PPIL6: variants seen among roughly 807,000 people sequenced by gnomAD.
PPIL6 encodes the protein probable inactive peptidyl-prolyl cis-trans isomerase-like 6.
PPIL6 carries 39 observed loss-of-function variants against 36.8 expected under a neutral mutation model. The observed-to-expected ratio is 1.06, with a 90% CI of 0.82 to 1.38. PPIL6 has a LOEUF of 1.38. Ranked by LOEUF, PPIL6 falls within the 40% of genes most tolerant of loss-of-function variation. PPIL6 has a pLI of 0.00. For synonymous variants in PPIL6, 123 were observed against 134.1 expected (o/e 0.92, Z 0.57); for missense variants, 368 against 379.1 (o/e 0.97, Z 0.24).
At chr6:109,441,169 C>T, upstream of PPIL6, 1 of 1,614,152 alleles carries the variant, frequency 6.2e-7, no homozygotes, top group African/African-American at 1.3e-5. Flanking sequence ...ACCTCAACTG[C>T]TGGTGAGTGC....
At chr6:109,397,608 G>C (rs924285392) in intron 7 of PPIL6, among the ~76,000 whole-genome samples, 2 of 152,320 alleles carry the variant, frequency 1.3e-5, no homozygotes, top group Admixed American at 6.5e-5. Context: ...GCTTGAATGA[G>C]TTGGGAAAAC....
At chr6:109,410,839 A>T (rs776368080) in intron 6 of PPIL6, among the ~76,000 whole-genome samples, 4 of 152,176 alleles carry the variant, frequency 2.6e-5, no homozygotes, top group African/African-American at 7.2e-5. Flanking sequence ...ACAACTGCCT[A>T]GTCTGGGAAG....
chr6:109,413,763 A>C lies in PPIL6; in HGVS notation c.688+5424T>G, dbSNP rs1010834862. On this transcript the variant is annotated intron_variant, in intron 6 of 7. Coordinates refer to ENST00000521072, the MANE Select transcript of PPIL6 (RefSeq NM_173672.5). The surrounding 1 kb of genome is among the most constrained non-coding windows in gnomAD (Gnocchi z 4.6). ...AAAGAAAATGTGGTACATATACACA[A>C]TGGAATACTATTCAGCCATAAAAAA... is the stretch of plus-strand genomic sequence containing the variant. 6.6e-6 allele frequency among the ~76,000 whole-genome samples: 1 copy of C among 152,254 alleles called. No homozygotes were observed. Among genetic ancestry groups the C allele is most frequent in the Non-Finnish European group, 1.5e-5 (1 of 68,038 alleles).
At position 109,390,485 on chromosome 6, in the gene PPIL6, A is replaced by G. The variant is rs929309853; in HGVS notation, c.*2341T>C. The G allele has an allele frequency of 2.6e-5, 4 of 152,212 alleles. No individual in the cohort carries two copies. The highest frequency in any genetic ancestry group is 5.9e-5 in the Non-Finnish European group (4 of 68,074). 9.4% of individuals were successfully genotyped at this position (152,212 alleles called of 1,614,324 possible). On this transcript the variant is annotated 3_prime_UTR_variant, in exon 8 of 8. Transcript: ENST00000521072. ...GCTCTGGGTCAGTTGAGAATGTAACATAGGCGGTCTGCTTCCTCCCATCCA... is the reference window on the plus strand; with the variant it reads ...GCTCTGGGTCAGTTGAGAATGTAACGTAGGCGGTCTGCTTCCTCCCATCCA...
At chr6:109,435,195 G>T (rs1774375929) in intron 2 of PPIL6, among the ~76,000 whole-genome samples, 1 of 152,152 alleles carries the variant, frequency 6.6e-6, no homozygotes, top group African/African-American at 2.4e-5. Context: ...TATAAGTGAT[G>T]TGCAGGGAGA....
intron 3 of PPIL6, among the ~76,000 whole-genome samples, chr6:109,430,616 G>A (rs1269776016): frequency 6.6e-6 from 1 of 152,138 alleles, no homozygotes; most frequent in Non-Finnish European, 1.5e-5. Context: ...TAGTAGAGAT[G>A]ACGTTTCACC....
At chr6:109,437,912 C>A (rs1440954133) in intron 1 of PPIL6, among the ~76,000 whole-genome samples, 1 of 152,140 alleles carries the variant, frequency 6.6e-6, no homozygotes, top group Non-Finnish European at 1.5e-5. Context: ...AACTATAAAT[C>A]CAGCAGTTTT....
At chr6:109,436,221 T>G in intron 1 of PPIL6, 22 bp from the exon 2 acceptor site, 1 of 1,339,698 alleles carries the variant, frequency 7.5e-7, no homozygotes, top group Non-Finnish European at 1.1e-6. Flanking sequence ...AATAGAATAA[T>G]TATTTTAGAG....
Position 109,440,507 on chromosome 6 carries a change from C to CA in PPIL6, c.83dup (p.Val29GlyfsTer17). 5.2e-6 allele frequency: 8 copies of CA among 1,525,736 alleles called. No homozygotes were observed. Among genetic ancestry groups the CA allele is most frequent in the Non-Finnish European group, 7.0e-6 (8 of 1,137,052 alleles). The allele number at this position is 1,525,736 out of a possible 1,614,324, so 94.5% of individuals were successfully genotyped here. Reference sequence around the variant, plus strand: ...AGTTGGGGCAGCTGAAGAGCCCCACCACCTTCACCTGCAGCGGCCGCTCCG... The same window carrying CA: ...AGTTGGGGCAGCTGAAGAGCCCCACCAACCTTCACCTGCAGCGGCCGCTCCG... On this transcript the variant is annotated frameshift_variant, in exon 1 of 8. Coordinates refer to ENST00000521072, the MANE Select transcript of PPIL6 (RefSeq NM_173672.5). LOFTEE classifies it high-confidence loss of function.
chr6:109,430,128 T>C (rs1774053137), intron 3 of PPIL6, among the ~76,000 whole-genome samples: 1 of 152,238 alleles, frequency 6.6e-6, no homozygotes, highest in Non-Finnish European at 1.5e-5. Context: ...TCAGGTCTGT[T>C]TGAGCAGTGG....
At chr6:109,407,452 G>T (rs1772847991) in intron 6 of PPIL6, among the ~76,000 whole-genome samples, 1 of 152,084 alleles carries the variant, frequency 6.6e-6, no homozygotes, top group Non-Finnish European at 1.5e-5. Flanking sequence ...TGTTAGCCAG[G>T]ATGGTCTCGA....
intron 5 of PPIL6, among the ~76,000 whole-genome samples, chr6:109,422,097 C>T (rs932351844): frequency 2.0e-5 from 3 of 152,054 alleles, no homozygotes; most frequent in East Asian, 1.9e-4. Context: ...AGACTGGTCT[C>T]GAACTCCTGA....
At chr6:109,401,417 CTG>C (rs1772532953) in intron 6 of PPIL6, among the ~76,000 whole-genome samples, 1 of 152,092 alleles carries the variant, frequency 6.6e-6, no homozygotes, top group Non-Finnish European at 1.5e-5. Flanking sequence ...CTGAGAATAA[CTG>C]AGAAATATGA....
intron 3 of PPIL6, among the ~76,000 whole-genome samples, chr6:109,429,407 CAT>C (rs2115272652): frequency 6.6e-6 from 1 of 152,306 alleles, no homozygotes; most frequent in Admixed American, 6.5e-5. Context: ...GACAATAAAT[CAT>C]AACCCAGCCT....
At chr6:109,439,127 A>G (rs1481967825) in intron 1 of PPIL6, among the ~76,000 whole-genome samples, 1 of 152,206 alleles carries the variant, frequency 6.6e-6, no homozygotes, top group Non-Finnish European at 1.5e-5. Context: ...CACTTTCTTT[A>G]CAATGTGGAG....
intron 7 of PPIL6, among the ~76,000 whole-genome samples, chr6:109,397,749 G>C (rs1287331518): frequency 6.6e-6 from 1 of 152,166 alleles, no homozygotes; most frequent in East Asian, 1.9e-4. Context: ...GTTTGTGTTT[G>C]AGAAAGGTAC....
At chr6:109,408,808 C>T (rs1772898630) in intron 6 of PPIL6, among the ~76,000 whole-genome samples, 1 of 152,066 alleles carries the variant, frequency 6.6e-6, no homozygotes, top group African/African-American at 2.4e-5. Flanking sequence ...TACCTTTCTT[C>T]ATTTACTTTT....
At chr6:109,406,825 C>T (rs1412827652) in intron 6 of PPIL6, among the ~76,000 whole-genome samples, 1 of 152,130 alleles carries the variant, frequency 6.6e-6, no homozygotes, top group Non-Finnish European at 1.5e-5. Flanking sequence ...GGGTTTTGAT[C>T]AACTGCAATT....
chr6:109,400,634 C>T (rs1269904270), intron 6 of PPIL6, among the ~76,000 whole-genome samples: 2 of 152,094 alleles, frequency 1.3e-5, no homozygotes, highest in African/African-American at 2.4e-5. Flanking sequence ...TTATAACACT[C>T]GATGTAATTA....
Sources: gnomAD v4.1 joint callset for allele counts (sites outside exome capture counted in the v4.1 genomes callset) on GRCh38, gnomAD v4.1.1 for gene constraint, Gnocchi (gnomAD v3.1) non-coding constraint, MANE v1.5 for transcripts, NCBI Gene and HGNC (gene_info 2026-07-23, HGNC 2026-07-21) for gene names.